Variants in DYNLL2 observed in about 807,000 individuals in gnomAD.
The protein encoded by DYNLL2 is dynein light chain 2, cytoplasmic.
DYNLL2 carries 1 observed loss-of-function variant against 9.7 expected under a neutral mutation model. The ratio of observed to expected loss-of-function variants is 0.10; its 90% confidence interval spans 0.04 to 0.49. The LOEUF is 0.49. DYNLL2 is among the 20% of genes least tolerant of loss of function. The pLI is 0.95. For missense variants in DYNLL2, 37 were observed against 115.2 expected (o/e 0.32, Z 3.11); for synonymous variants, 35 against 40.5 (o/e 0.86, Z 0.52).
chr17:58,084,183 CGCGGGCGGGAGGTCGGGGGG>C (rs1567765333), intron 1 of DYNLL2, among the ~76,000 whole-genome samples: 1 of 149,650 alleles, frequency 6.7e-6, no homozygotes, highest in Admixed American at 6.6e-5. Context: ...TGGCCGGCGG[CGCGGGCGGGAGGTCGGGGGG>C]AAGGAGGATG....
chr17:58,087,023 C>G, intron 1 of DYNLL2, 59 bp from the exon 2 acceptor site: 1 of 1,591,960 alleles, frequency 6.3e-7, no homozygotes, highest in Admixed American at 1.7e-5. Context: ...CACCCAGCAG[C>G]TAATGTTCAC....
intron 1 of DYNLL2, among the ~76,000 whole-genome samples, chr17:58,086,605 A>G (rs996770371): frequency 2.0e-5 from 3 of 152,354 alleles, no homozygotes; most frequent in South Asian, 2.1e-4. Flanking sequence ...TCTTTCTGCT[A>G]TGATGCCAAT....
In DYNLL2 at chr17:58,092,390, C is replaced by G. The variant is rs2075783219; in HGVS notation, c.*3111C>G. ...TTCCTGCACAGGTAGGTGCACAGTG[C>G]TCATCTGGAAGACTAATCCTGCAGG... On this transcript the variant is annotated 3_prime_UTR_variant, in exon 3 of 3. Coordinates refer to ENST00000579991, the MANE Select transcript of DYNLL2 (RefSeq NM_080677.3). 1 of 152,220 alleles carries G rather than the reference C, an allele frequency of 6.6e-6. No homozygotes were observed. Among genetic ancestry groups the G allele is most frequent in the Non-Finnish European group, 1.5e-5 (1 of 68,060 alleles). The allele number at this position is 152,220 out of a possible 1,614,324, so 9.4% of individuals were successfully genotyped here. A position where few individuals can be genotyped will look rare whatever the true frequency, so the allele number is the denominator to read the frequency against.
chr17:58,084,791 T>C (rs2075752680), intron 1 of DYNLL2, among the ~76,000 whole-genome samples: 1 of 152,136 alleles, frequency 6.6e-6, no homozygotes. Context: ...ATTTCATACT[T>C]TCACTTTGCT....
rs563552702 is a variant in DYNLL2 at position 58,087,347 on chromosome 17, A to G, written c.132+125A>G. 502 of 1,373,870 alleles carry G rather than the reference A, an allele frequency of 3.7e-4. 1 individual carries two copies. Among genetic ancestry groups the G allele is most frequent in the Non-Finnish European group, 4.7e-4 (484 of 1,025,092 alleles). The allele number at this position is 1,373,870 out of a possible 1,614,324, so 85.1% of individuals were successfully genotyped here. On this transcript the variant is annotated intron_variant, in intron 2 of 2. Transcript: ENST00000579991. ...ATCCTGTGCAAGCAAAACCCTAGGA[A>G]CTTGCAAAGCAGACAAACTAGCGAG...
chr17:58,083,995 G>T (rs2075747369), intron 1 of DYNLL2, among the ~76,000 whole-genome samples: 2 of 151,908 alleles, frequency 1.3e-5, no homozygotes, highest in Admixed American at 1.3e-4. Flanking sequence ...CTGCGTGGAG[G>T]CCCCTGATGT....
chr17:58,093,582 C>CT lies in DYNLL2; in HGVS notation c.*4306dup, dbSNP rs1237092110. On this transcript the variant is annotated 3_prime_UTR_variant, in exon 3 of 3. Transcript: ENST00000579991. ...TGGCAGCAAGGGTCTCATGGATACT[C>CT]TTTAAGATGTAGGCCCAGATCTCTT... The CT allele has an allele frequency of 6.6e-6, 1 of 152,158 alleles. No homozygotes were observed. Among genetic ancestry groups the CT allele is most frequent in the African/African-American group, 2.4e-5 (1 of 41,436 alleles). 9.4% of individuals were successfully genotyped at this position (152,158 alleles called of 1,614,324 possible).
Position 58,091,191 on chromosome 17 carries a change from G to C in DYNLL2, c.*1912G>C, listed in dbSNP as rs1009274843. 6.6e-6 allele frequency: 1 copy of C among 152,186 alleles called. No homozygotes were observed. Among genetic ancestry groups the C allele is most frequent in the South Asian group, 2.1e-4 (1 of 4,824 alleles). 9.4% of individuals were successfully genotyped at this position (152,186 alleles called of 1,614,324 possible). A position where few individuals can be genotyped will look rare whatever the true frequency, so the allele number is the denominator to read the frequency against. Reference sequence around the variant, plus strand: ...CACATCTCCTATGCTCTGCATCCACGCCTCTTTTGGACATTAAAGGTTGAT... The same window carrying C: ...CACATCTCCTATGCTCTGCATCCACCCCTCTTTTGGACATTAAAGGTTGAT... On this transcript the variant is annotated 3_prime_UTR_variant, in exon 3 of 3. Coordinates refer to ENST00000579991, the MANE Select transcript of DYNLL2 (RefSeq NM_080677.3).
Position 58,091,057 on chromosome 17 carries a change from A to C in DYNLL2, c.*1778A>C, listed in dbSNP as rs553582023. ...GATTTTAGGTTTTATTTTTTTATGAATGTCCAAATCTGTGTTTCCCCCTGC... is the reference window on the plus strand; with the variant it reads ...GATTTTAGGTTTTATTTTTTTATGACTGTCCAAATCTGTGTTTCCCCCTGC... On this transcript the variant is annotated 3_prime_UTR_variant, in exon 3 of 3. Coordinates refer to ENST00000579991, the MANE Select transcript of DYNLL2 (RefSeq NM_080677.3). 1.3e-5 allele frequency: 2 copies of C among 152,062 alleles called. No individual in the cohort carries two copies. The highest frequency in any genetic ancestry group is 1.9e-4 in the East Asian group (1 of 5,172). The allele number at this position is 152,062 out of a possible 1,614,324, so 9.4% of individuals were successfully genotyped here. A position where few individuals can be genotyped will look rare whatever the true frequency, so the allele number is the denominator to read the frequency against.
rs553520549 is a variant in DYNLL2 at position 58,083,575 on chromosome 17, G to A, written c.-118G>A. The A allele has an allele frequency of 4.6e-3, 716 of 154,048 alleles. 3 individuals are homozygous for A. The highest frequency in any genetic ancestry group is 0.013 in the Middle Eastern group (4 of 302). 9.5% of individuals were successfully genotyped at this position (154,048 alleles called of 1,614,324 possible). Reference sequence around the variant, plus strand: ...TGCGGGAGCCGGAGACCGCGGCGGCGGCGGCTGCTGCAGCTGCAGGAGGAG... The same window carrying A: ...TGCGGGAGCCGGAGACCGCGGCGGCAGCGGCTGCTGCAGCTGCAGGAGGAG... On this transcript the variant is annotated 5_prime_UTR_variant, in exon 1 of 3. Coordinates refer to ENST00000579991, the MANE Select transcript of DYNLL2 (RefSeq NM_080677.3).
At position 58,090,836 on chromosome 17, in the gene DYNLL2, G is replaced by C. The variant is rs115713302; in HGVS notation, c.*1557G>C. 1.5e-3 allele frequency: 227 copies of C among 149,912 alleles called. 2 individuals carry two copies. Among genetic ancestry groups the C allele is most frequent in the African/African-American group, 5.2e-3 (208 of 39,790 alleles). 9.3% of individuals were successfully genotyped at this position (149,912 alleles called of 1,614,324 possible). On this transcript the variant is annotated 3_prime_UTR_variant, in exon 3 of 3. Transcript: ENST00000579991. ...AACTCTCGTGTAGGGTTGACAATGT[G>C]GGGGGGTGGGGGATCCAGCTTATTC... is the stretch of plus-strand genomic sequence containing the variant.
intron 2 of DYNLL2, among the ~76,000 whole-genome samples, chr17:58,088,489 G>A (rs2143596588): frequency 6.6e-6 from 1 of 152,310 alleles, no homozygotes; most frequent in Non-Finnish European, 1.5e-5. Flanking sequence ...AAGGTAGTAG[G>A]GAGCTGATTA....
At chr17:58,086,792 C>T (rs920196920) in intron 1 of DYNLL2, among the ~76,000 whole-genome samples, 2 of 152,170 alleles carry the variant, frequency 1.3e-5, no homozygotes, top group South Asian at 4.1e-4. Context: ...ATAATCTTGA[C>T]TATTGGTGCT....
chr17:58,089,144 A>G lies in DYNLL2; in HGVS notation c.135A>G (p.Glu45=). The change falls in exon 3 of 3, where the codon GAA becomes GAG. Residue 45 remains glutamate, a splice_region_variant and synonymous_variant. Transcript: ENST00000579991. The stretch of plus-strand genomic sequence containing the variant: ...TCTCTACCTTTGTTCTTTTTTAGGA[A>G]TTTGACAAGAAATATAACCCTACCT... ...EKDIAAYIKK[E]FDKKYNPTWH... is the part of the protein sequence containing the mutation. The G allele has an allele frequency of 2.5e-6, 4 of 1,613,982 alleles. No homozygotes were observed. Among genetic ancestry groups the G allele is most frequent in the Non-Finnish European group, 3.4e-6 (4 of 1,179,972 alleles).
Position 58,090,838 on chromosome 17 carries a change from G to A in DYNLL2, c.*1559G>A, listed in dbSNP as rs994147330. 2.0e-5 allele frequency: 3 copies of A among 151,298 alleles called. No individual in the cohort carries two copies. Among genetic ancestry groups the A allele is most frequent in the African/African-American group, 7.3e-5 (3 of 41,096 alleles). The allele number at this position is 151,298 out of a possible 1,614,324, so 9.4% of individuals were successfully genotyped here. ...CTCTCGTGTAGGGTTGACAATGTGG[G>A]GGGGTGGGGGATCCAGCTTATTCTT... On this transcript the variant is annotated 3_prime_UTR_variant, in exon 3 of 3. Coordinates refer to ENST00000579991, the MANE Select transcript of DYNLL2 (RefSeq NM_080677.3).
At chr17:58,089,107 A>C in intron 2 of DYNLL2, 35 bp from the exon 3 acceptor site, 1 of 1,612,762 alleles carries the variant, frequency 6.2e-7, no homozygotes, top group Non-Finnish European at 8.5e-7. Flanking sequence ...CAGCTACCCT[A>C]ATTACCTTTC....
In DYNLL2 at chr17:58,092,944, C is replaced by T. The variant is rs2075785661; in HGVS notation, c.*3665C>T. On this transcript the variant is annotated 3_prime_UTR_variant, in exon 3 of 3. Transcript: ENST00000579991. Reference sequence around the variant, plus strand: ...CATCCTGTGCAAGATAGCACCTCTCCCCCATCGCTGTTATCCTTACCCAGT... The same window carrying T: ...CATCCTGTGCAAGATAGCACCTCTCTCCCATCGCTGTTATCCTTACCCAGT... 6.6e-6 allele frequency: 1 copy of T among 152,246 alleles called. No homozygotes were observed. Among genetic ancestry groups the T allele is most frequent in the African/African-American group, 2.4e-5 (1 of 41,464 alleles). 9.4% of individuals were successfully genotyped at this position (152,246 alleles called of 1,614,324 possible).
Position 58,095,028 on chromosome 17 carries a change from A to G in DYNLL2, c.*5749A>G, listed in dbSNP as rs1033946671. 3 of 152,082 alleles carry G rather than the reference A, an allele frequency of 2.0e-5. No individual in the cohort carries two copies. The highest frequency in any genetic ancestry group is 2.9e-5 in the Non-Finnish European group (2 of 68,004). 9.4% of individuals were successfully genotyped at this position (152,082 alleles called of 1,614,324 possible). On this transcript the variant is annotated 3_prime_UTR_variant, in exon 3 of 3. Transcript: ENST00000579991. ...TTTGGGTTGTTTCTACTTTTTGACT[A>G]TTGTGATTAGTGCTGCTATGAACAT...
At chr17:58,084,532 A>G (rs1171862698) in intron 1 of DYNLL2, among the ~76,000 whole-genome samples, 2 of 151,974 alleles carry the variant, frequency 1.3e-5, no homozygotes, top group Non-Finnish European at 1.5e-5. Context: ...CTTTTTCCCA[A>G]GGAGGGAGGG....
Sources: gnomAD v4.1 joint callset for allele counts (sites outside exome capture counted in the v4.1 genomes callset) on GRCh38, gnomAD v4.1.1 for gene constraint, MANE v1.5 for transcripts, NCBI Gene and HGNC (gene_info 2026-07-23, HGNC 2026-07-21) for gene names.